UGGT2: variants seen among roughly 807,000 people sequenced by gnomAD.
The protein encoded by UGGT2 is UDP-glucose glycoprotein glucosyltransferase 2.
Under a neutral mutation model 192.1 loss-of-function variants are expected in UGGT2, and 180 were observed. The ratio of observed to expected loss-of-function variants is 0.94; its 90% CI spans 0.83 to 1.06. The LOEUF is 1.06. Among genes scored for constraint, UGGT2 ranks in the 50% least tolerant of loss-of-function variants. The pLI is 0.00. For missense variants in UGGT2, 1,849 were observed against 1,795.7 expected, an observed-to-expected ratio of 1.03 and a Z score of -0.54; for synonymous variants, 580 against 591.0, an observed-to-expected ratio of 0.98 and a Z score of 0.27.
intron 21 of UGGT2, 27 bp from the exon 22 acceptor site, chr13:95,900,965 AC>A: frequency 6.7e-7 from 1 of 1,496,880 alleles, no homozygotes; most frequent in Non-Finnish European, 8.9e-7. Context: ...GACTGATGAA[AC>A]TAATATGAGA....
At chr13:95,909,656 G>T (rs1241223264) in intron 20 of UGGT2, among the ~76,000 whole-genome samples, 3 of 148,174 alleles carry the variant, frequency 2.0e-5, no homozygotes, top group Non-Finnish European at 4.5e-5. Context: ...AATGCTAGAT[G>T]ACGAGTTAGT....
In UGGT2 at chr13:95,948,101, T is replaced by G; in HGVS notation, c.1456-20A>C. ...CAGAACCTAAAAGAAAGATAGTATA[T>G]ATCACTATTTCAACACCTTAGAATC... On this transcript the variant is annotated intron_variant, in intron 13 of 38. Transcript: ENST00000376747. 1 of 1,587,306 alleles carries G rather than the reference T, an allele frequency of 6.3e-7. No individual in the cohort carries two copies. The highest frequency in any genetic ancestry group is 8.6e-7 in the Non-Finnish European group (1 of 1,159,172).
rs1256820748 is a variant in UGGT2 at position 95,801,734 on chromosome 13, C to T, written c.*56G>A. Reference sequence around the variant, plus strand: ...TCTCAGCAGGGGCTCCAGACTTCCCCAGCAGGCGGCAGGTTTCCTGTCATG... The same window carrying T: ...TCTCAGCAGGGGCTCCAGACTTCCCTAGCAGGCGGCAGGTTTCCTGTCATG... On this transcript the variant is annotated 3_prime_UTR_variant, in exon 39 of 39. Transcript: ENST00000376747. 2.9e-5 allele frequency: 46 copies of T among 1,597,830 alleles called. No individual in the cohort carries two copies. The highest frequency in any genetic ancestry group is 3.6e-5 in the Non-Finnish European group (42 of 1,171,398).
chr13:95,999,449 T>C (rs1343169406), intron 5 of UGGT2, 142 bp from the exon 6 acceptor site: 3 of 695,210 alleles, frequency 4.3e-6, no homozygotes, highest in Non-Finnish European at 7.2e-6. Flanking sequence ...ATTTGGGGGT[T>C]GTTTATATTG....
At chr13:95,832,542 T>C (rs1886823253) in intron 38 of UGGT2, among the ~76,000 whole-genome samples, 1 of 152,062 alleles carries the variant, frequency 6.6e-6, no homozygotes, top group Non-Finnish European at 1.5e-5. Flanking sequence ...AGATAGGAAA[T>C]GATATTTTTA....
chr13:95,929,833 TGTTTTAAGTTCTTTGAA>T (rs2049182318), intron 17 of UGGT2, among the ~76,000 whole-genome samples: 1 of 149,470 alleles, frequency 6.7e-6, no homozygotes, highest in Non-Finnish European at 1.5e-5. Context: ...ATGGTAGTTC[TGTTTTAAGTTCTTTGAA>T]ACATCTACAA....
chr13:95,953,146 A>G lies in UGGT2; in HGVS notation c.1336-3692T>C, dbSNP rs1464837860. Among the ~76,000 whole-genome samples, 4 of 152,232 alleles carry G rather than the reference A, an allele frequency of 2.6e-5. No homozygotes were observed. The East Asian group carries it at 7.7e-4, about 29-fold the overall frequency. ...ATGAACACATTATATGTGAAATTTCAACACCAAAGCTGGCTGTAATAAAAG... is the reference window on the plus strand; with the variant it reads ...ATGAACACATTATATGTGAAATTTCGACACCAAAGCTGGCTGTAATAAAAG... On this transcript the variant is annotated intron_variant, in intron 12 of 38. Coordinates refer to ENST00000376747, the MANE Select transcript of UGGT2 (RefSeq NM_020121.4).
At chr13:95,806,020 G>C (rs1211820815) in intron 38 of UGGT2, among the ~76,000 whole-genome samples, 1 of 145,510 alleles carries the variant, frequency 6.9e-6, no homozygotes, top group Non-Finnish European at 1.5e-5. Context: ...ACAGAGATAA[G>C]GGGGAAAGAG....
Position 95,877,373 on chromosome 13 carries a change from A to G in UGGT2, c.3388-9T>C, listed in dbSNP as rs1375993195. 11 of 1,595,940 alleles carry G rather than the reference A, an allele frequency of 6.9e-6. No homozygotes were observed. Among genetic ancestry groups the G allele is most frequent in the Non-Finnish European group, 6.8e-6 (8 of 1,172,608 alleles). On this transcript the variant is annotated splice_polypyrimidine_tract_variant and intron_variant, in intron 28 of 38. Transcript: ENST00000376747. The stretch of plus-strand genomic sequence containing the variant: ...TTTAATTGAAAATACCCCTTTTAAG[A>G]TGAGAAAAAAATAATCATTGAGTAA...
chr13:96,049,969 G>GA (rs1231390200), intron 1 of UGGT2, among the ~76,000 whole-genome samples: 1 of 152,072 alleles, frequency 6.6e-6, no homozygotes, highest in Non-Finnish European at 1.5e-5. Flanking sequence ...CACAAAATTG[G>GA]AAAAAACTAC....
intron 10 of UGGT2, among the ~76,000 whole-genome samples, chr13:95,977,519 G>C (rs913394012): frequency 6.6e-6 from 1 of 152,146 alleles, no homozygotes; most frequent in African/African-American, 2.4e-5. Flanking sequence ...AGTTAGAATG[G>C]TGATCATTAA....
chr13:96,048,726 G>C (rs982059467), intron 1 of UGGT2, among the ~76,000 whole-genome samples: 1 of 152,152 alleles, frequency 6.6e-6, no homozygotes, highest in Non-Finnish European at 1.5e-5. Context: ...AAATAAACTA[G>C]AAAATCTAGA....
At chr13:95,942,562 C>T (rs1264975577) in intron 15 of UGGT2, among the ~76,000 whole-genome samples, 1 of 151,872 alleles carries the variant, frequency 6.6e-6, no homozygotes, top group Non-Finnish European at 1.5e-5. Flanking sequence ...TATTTACCAC[C>T]AATAATTTCA....
rs187987495 is a variant in UGGT2 at position 95,895,691 on chromosome 13, G to T, written c.2635-387C>A. ...TCTGAATTCAATTTTGAAAGCAATGGTCTATATTTTTAAAAATCTTTTAAT... is the reference window on the plus strand; with the variant it reads ...TCTGAATTCAATTTTGAAAGCAATGTTCTATATTTTTAAAAATCTTTTAAT... On this transcript the variant is annotated intron_variant, in intron 22 of 38. Transcript: ENST00000376747. Among the ~76,000 whole-genome samples, 9 of 151,868 alleles carry T rather than the reference G, an allele frequency of 5.9e-5. No individual in the cohort carries two copies. The East Asian group carries it at 1.7e-3, about 29-fold the overall frequency.
At chr13:95,922,559 C>T (rs919818811) in intron 20 of UGGT2, among the ~76,000 whole-genome samples, 3 of 152,162 alleles carry the variant, frequency 2.0e-5, no homozygotes, top group Admixed American at 6.5e-5. Context: ...CAGTGGCTCA[C>T]GCCTGTAATC....
At chr13:95,823,899 T>G (rs1394210132) in intron 38 of UGGT2, among the ~76,000 whole-genome samples, 5 of 152,118 alleles carry the variant, frequency 3.3e-5, no homozygotes, top group Non-Finnish European at 5.9e-5. Context: ...TCTATTTTAG[T>G]GCATGTTGAA....
intron 16 of UGGT2, 119 bp downstream of exon 16, chr13:95,939,838 C>T: frequency 3.8e-6 from 3 of 791,930 alleles, no homozygotes; most frequent in East Asian, 3.3e-5. Flanking sequence ...CTGGTAACCC[C>T]CATTTTACTC....
At chr13:95,807,257 T>C (rs1884350219) in intron 38 of UGGT2, among the ~76,000 whole-genome samples, 1 of 152,174 alleles carries the variant, frequency 6.6e-6, no homozygotes, top group Non-Finnish European at 1.5e-5. Flanking sequence ...TCATCCTCAT[T>C]GTCTTCACAT....
intron 27 of UGGT2, among the ~76,000 whole-genome samples, chr13:95,880,367 A>T (rs2047457877): frequency 6.6e-6 from 1 of 152,212 alleles, no homozygotes; most frequent in African/African-American, 2.4e-5. Flanking sequence ...AAGCTATCTG[A>T]TAGTGGAGAT....
Sources: gnomAD v4.1 joint callset for allele counts (sites outside exome capture counted in the v4.1 genomes callset) on GRCh38, gnomAD v4.1.1 for gene constraint, MANE v1.5 for transcripts, NCBI Gene and HGNC (gene_info 2026-07-23, HGNC 2026-07-21) for gene names.